The following PLEKHH2 variants were observed in gnomAD, a reference collection of about 807,000 sequenced individuals.
PLEKHH2 encodes the protein pleckstrin homology domain-containing family H member 2.
PLEKHH2 carries 129 observed loss-of-function variants against 187.9 expected under a neutral mutation model. The observed-to-expected ratio is 0.69, with a 90% confidence interval of 0.59 to 0.79. The LOEUF (loss-of-function observed/expected upper bound fraction) is 0.79. PLEKHH2 is among the 30% of genes least tolerant of loss of function. PLEKHH2 has a pLI of 0.00. For missense variants in PLEKHH2, 2,076 were observed against 1,751.2 expected, an observed-to-expected ratio of 1.19 and a Z score of -3.31; for synonymous variants, 686 against 605.6, an observed-to-expected ratio of 1.13 and a Z score of -1.95.
intron 2 of PLEKHH2, among the ~76,000 whole-genome samples, chr2:43,668,251 C>T (rs1172793817): frequency 4.6e-5 from 7 of 152,144 alleles, no homozygotes; most frequent in Non-Finnish European, 8.8e-5. Flanking sequence ...AGATTGGTCT[C>T]GAATTCCTGA....
chr2:43,699,995 C>T lies in PLEKHH2; in HGVS notation c.1037C>T (p.Pro346Leu), dbSNP rs1407513692. 4 of 1,614,002 alleles carry T rather than the reference C, an allele frequency of 2.5e-6. No homozygotes were observed. In the African/African-American group the frequency reaches 5.3e-5, roughly 22 times the overall value. ...GAAGAGACTTTTGGCATAAAGAGAC[C>T]AGAACACAAGAAGCTATATTCTTGG... ...FEEETFGIKR[P>L]EHKKLYSWQQ... is the part of the protein sequence containing the mutation. The change falls in exon 8 of 30, where the codon CCA (proline) becomes CTA (leucine). Residue 346 changes from proline to leucine, a missense_variant. Transcript: ENST00000282406.
chr2:43,710,814 C>A (rs1468872872), intron 14 of PLEKHH2: 1 of 1,281,192 alleles, frequency 7.8e-7, no homozygotes, highest in Non-Finnish European at 9.9e-7. Context: ...TTATACTCTT[C>A]TTTCCTCATA....
intron 24 of PLEKHH2, among the ~76,000 whole-genome samples, chr2:43,747,239 C>T (rs976049962): frequency 6.6e-6 from 1 of 151,916 alleles, no homozygotes; most frequent in Non-Finnish European, 1.5e-5. Flanking sequence ...TTGGAATCTA[C>T]GGGTTAGTGA....
At position 43,729,667 on chromosome 2, in the gene PLEKHH2, G is replaced by C; in HGVS notation, c.2752G>C (p.Ala918Pro). The change falls in exon 18 of 30, where the codon GCT (alanine) becomes CCT (proline). Residue 918 changes from alanine to proline, a missense_variant. Ala to Pro is a conservative substitution (Grantham distance 27, BLOSUM62 -1). Transcript: ENST00000282406. ...TTGGCTTTATCATCTGACTGTTGCA[G>C]CTGGAAGCAACAATGTAAACGTTGG... ...DTWLYHLTVA[A>P]GSNNVNVGSE... The C allele has an allele frequency of 2.5e-6, 4 of 1,607,768 alleles. No homozygotes were observed. The highest frequency in any genetic ancestry group is 3.4e-6 in the Non-Finnish European group (4 of 1,177,782).
Position 43,729,682 on chromosome 2 carries a change from G to A in PLEKHH2, c.2767G>A (p.Val923Ile), listed in dbSNP as rs746488818. 40 of 1,609,770 alleles carry A rather than the reference G, an allele frequency of 2.5e-5. No homozygotes were observed. The highest frequency in any genetic ancestry group is 3.4e-5 in the Non-Finnish European group (40 of 1,178,628). Residue 923 changes from valine to isoleucine, a missense_variant, in exon 18 of 30, where the codon GTA (valine) becomes ATA (isoleucine). Transcript: ENST00000282406. The stretch of plus-strand genomic sequence containing the variant: ...GACTGTTGCAGCTGGAAGCAACAAT[G>A]TAAACGTTGGATCTGAATTTGAACA... Reference protein sequence around the residue: ...HLTVAAGSNNVNVGSEFEQLV... With the variant: ...HLTVAAGSNNINVGSEFEQLV...
At chr2:43,734,510 C>T (rs755870112) in intron 19 of PLEKHH2, among the ~76,000 whole-genome samples, 6 of 152,110 alleles carry the variant, frequency 3.9e-5, no homozygotes, top group African/African-American at 4.8e-5. Flanking sequence ...TGCTAAGCAT[C>T]GCTAATCATC....
At position 43,648,312 on chromosome 2, in the gene PLEKHH2, A is replaced by C. The variant is rs2104338746; in HGVS notation, c.123+3516A>C. 2.0e-5 allele frequency among the ~76,000 whole-genome samples: 3 copies of C among 150,792 alleles called. No individual in the cohort carries two copies. In the South Asian group the frequency reaches 6.3e-4, roughly 32 times the overall value. On this transcript the variant is annotated intron_variant, in intron 2 of 29. Transcript: ENST00000282406. Reference sequence around the variant, plus strand: ...CAAGCGATTCTTCTGCCTCAGCCTAATGAGTAGCTGGGACTACAGGCACAT... The same window carrying C: ...CAAGCGATTCTTCTGCCTCAGCCTACTGAGTAGCTGGGACTACAGGCACAT...
intron 5 of PLEKHH2, among the ~76,000 whole-genome samples, chr2:43,694,931 CTT>C (rs892266265): frequency 2.0e-5 from 3 of 152,036 alleles, no homozygotes; most frequent in African/African-American, 7.2e-5. Context: ...ATTTAAAACT[CTT>C]AGTTCTGAAA....
chr2:43,715,981 G>A (rs1197666086), intron 15 of PLEKHH2, among the ~76,000 whole-genome samples: 1 of 152,318 alleles, frequency 6.6e-6, no homozygotes, highest in East Asian at 1.9e-4. Context: ...AGGTCTGAGA[G>A]TAATGCCTGT....
At chr2:43,670,741 G>A (rs969725249) in intron 2 of PLEKHH2, among the ~76,000 whole-genome samples, 3 of 152,012 alleles carry the variant, frequency 2.0e-5, no homozygotes, top group African/African-American at 4.8e-5. Context: ...TTAAGACTGG[G>A]TGGAATCTAT....
intron 26 of PLEKHH2, among the ~76,000 whole-genome samples, chr2:43,757,850 A>G (rs1672277111): frequency 7.1e-6 from 1 of 141,396 alleles, no homozygotes; most frequent in Non-Finnish European, 1.6e-5. Flanking sequence ...CTGATAATAA[A>G]TAAGAGAAAA....
chr2:43,728,542 A>C (rs1030206743), intron 17 of PLEKHH2, among the ~76,000 whole-genome samples: 6 of 148,346 alleles, frequency 4.0e-5, no homozygotes, highest in African/African-American at 1.5e-4. Flanking sequence ...ATTTATGTAT[A>C]GTTTGTTCAA....
At chr2:43,763,459 G>T (rs757529855) in intron 28 of PLEKHH2, among the ~76,000 whole-genome samples, 3 of 151,240 alleles carry the variant, frequency 2.0e-5, no homozygotes, top group Non-Finnish European at 4.4e-5. Context: ...TTATTCTGTC[G>T]CCCAGACTGA....
intron 28 of PLEKHH2, among the ~76,000 whole-genome samples, chr2:43,763,428 A>ATT (rs148150394): frequency 3.2e-4 from 48 of 150,462 alleles, no homozygotes; most frequent in Non-Finnish European, 6.7e-4. Context: ...TGATTTATTG[A>ATT]TTTTTTTTTG....
In PLEKHH2 at chr2:43,766,263, A is replaced by G. The variant is rs550083180; in HGVS notation, c.*665A>G. On this transcript the variant is annotated 3_prime_UTR_variant, in exon 30 of 30. Coordinates refer to ENST00000282406, the MANE Select transcript of PLEKHH2 (RefSeq NM_172069.4). ...ACTGGAGTGTAAAATTTAAAACAAG[A>G]TGGTGATTCCTGACATTCCTTGGCT... 1 of 152,780 alleles carries G rather than the reference A, an allele frequency of 6.5e-6. No individual in the cohort carries two copies. Among genetic ancestry groups the G allele is most frequent in the Non-Finnish European group, 1.5e-5 (1 of 68,036 alleles). 9.5% of individuals were successfully genotyped at this position (152,780 alleles called of 1,614,324 possible). A position where few individuals can be genotyped will look rare whatever the true frequency, so the allele number is the denominator to read the frequency against.
intron 9 of PLEKHH2, among the ~76,000 whole-genome samples, chr2:43,704,662 T>TAAAAAAAAAAAAAAAAAAAAAA (rs70965318): frequency 3.6e-5 from 3 of 84,294 alleles, no homozygotes; most frequent in South Asian, 1.1e-3. Flanking sequence ...GATTCTGTCT[T>TAAAAAAAAAAAAAAAAAAAAAA]AAAAAAAAAA....
At position 43,748,072 on chromosome 2, in the gene PLEKHH2, A is replaced by G. The variant is rs564230444; in HGVS notation, c.3653+2109A>G. 1.3e-3 allele frequency among the ~76,000 whole-genome samples: 198 copies of G among 152,318 alleles called. 3 individuals are homozygous for G. Among genetic ancestry groups the G allele is most frequent in the Admixed American group, 2.6e-3 (40 of 15,306 alleles). On this transcript the variant is annotated intron_variant, in intron 24 of 29. Transcript: ENST00000282406. ...GAGAACAGTTAAATAAATATGGCACATTCATATTTTGGGCTCTTCTCTCAT... is the reference window on the plus strand; with the variant it reads ...GAGAACAGTTAAATAAATATGGCACGTTCATATTTTGGGCTCTTCTCTCAT...
chr2:43,732,670 G>T (rs1156565140), intron 19 of PLEKHH2, among the ~76,000 whole-genome samples: 1 of 151,952 alleles, frequency 6.6e-6, no homozygotes, highest in Non-Finnish European at 1.5e-5. Context: ...TCATCTCTAA[G>T]ACCTTTGTTT....
chr2:43,709,813 T>C (rs9678355), intron 11 of PLEKHH2, among the ~76,000 whole-genome samples, 177 bp from the exon 12 acceptor site: 91,348 of 151,992 alleles, frequency 0.6, 29,029 homozygotes, highest in African/African-American at 0.8. Context: ...TCCAGCCTGG[T>C]GACAGAGCGA....
Sources: gnomAD v4.1 joint callset for allele counts (sites outside exome capture counted in the v4.1 genomes callset) on GRCh38, gnomAD v4.1.1 for gene constraint, MANE v1.5 for transcripts, NCBI Gene and HGNC (gene_info 2026-07-23, HGNC 2026-07-21) for gene names.